Variants in EDNRA observed in about 807,000 individuals in gnomAD.
The protein encoded by EDNRA is endothelin-1 receptor.
In EDNRA, 11 loss-of-function variants were observed where a neutral mutation model predicts 41.4. That is an observed-to-expected ratio of 0.27 (90% CI 0.17 to 0.44). The LOEUF (loss-of-function observed/expected upper bound fraction) is 0.44. Among genes scored for constraint, EDNRA ranks in the 20% least tolerant of loss-of-function variants. EDNRA has a pLI of 1.00. For missense variants in EDNRA, 294 were observed against 531.0 expected (o/e 0.55, Z 4.39); for synonymous variants, 172 against 183.0 (o/e 0.94, Z 0.49).
chr4:147,490,132 C>T (rs1729086276), intron 2 of EDNRA: 1 of 144,696 alleles, frequency 6.9e-6, no homozygotes, highest in Non-Finnish European at 1.5e-5. Flanking sequence ...TCCTATAGCC[C>T]TTGCTTACAT....
At chr4:147,511,694 C>A (rs550282411) in intron 2 of EDNRA, among the ~76,000 whole-genome samples, 1 of 152,256 alleles carries the variant, frequency 6.6e-6, no homozygotes, top group African/African-American at 2.4e-5. Context: ...GGGATCTCTG[C>A]TATTCTGTTT....
chr4:147,504,578 T>G (rs1729623051), intron 2 of EDNRA, among the ~76,000 whole-genome samples: 1 of 152,122 alleles, frequency 6.6e-6, no homozygotes, highest in Admixed American at 6.5e-5. Flanking sequence ...GGGAAACTCA[T>G]GAAACATGAT....
chr4:147,509,397 T>C (rs558779278), intron 2 of EDNRA, among the ~76,000 whole-genome samples: 1 of 152,360 alleles, frequency 6.6e-6, no homozygotes, highest in African/African-American at 2.4e-5. Flanking sequence ...TGAGTGTTAT[T>C]TTGATTTTGC....
chr4:147,489,184 A>G (rs1197728815), intron 2 of EDNRA: 1 of 152,192 alleles, frequency 6.6e-6, no homozygotes, highest in Non-Finnish European at 1.5e-5. Flanking sequence ...GTATAAATTT[A>G]TGGGGTGCAA....
intron 2 of EDNRA, among the ~76,000 whole-genome samples, chr4:147,501,340 C>T (rs1352810995): frequency 6.6e-6 from 1 of 152,196 alleles, no homozygotes; most frequent in Non-Finnish European, 1.5e-5. Flanking sequence ...GCAGTTCCCA[C>T]ACTAGTAGGA....
chr4:147,537,107 T>C (rs990054759), intron 5 of EDNRA, among the ~76,000 whole-genome samples: 25 of 152,222 alleles, frequency 1.6e-4, no homozygotes, highest in African/African-American at 5.5e-4. Context: ...GAGTTGTTGA[T>C]GGAGTCTGTA....
intron 2 of EDNRA, among the ~76,000 whole-genome samples, chr4:147,498,543 G>A (rs976536094): frequency 7.7e-6 from 1 of 130,630 alleles, no homozygotes; most frequent in East Asian, 2.0e-4. Context: ...TATTGCTTAC[G>A]TATTTTCTAT....
At chr4:147,489,396 CTATT>C (rs1349129962) in intron 2 of EDNRA, 1 of 152,090 alleles carries the variant, frequency 6.6e-6, no homozygotes, top group African/African-American at 2.4e-5. Flanking sequence ...TGGAAGTAGA[CTATT>C]TAAAGATTGT....
At chr4:147,498,448 G>A (rs1450495857) in intron 2 of EDNRA, among the ~76,000 whole-genome samples, 1 of 152,084 alleles carries the variant, frequency 6.6e-6, no homozygotes, top group Non-Finnish European at 1.5e-5. Flanking sequence ...CGCTCACCCA[G>A]GGCCCAGCAA....
intron 2 of EDNRA, among the ~76,000 whole-genome samples, chr4:147,503,017 T>C (rs1352085167): frequency 2.0e-5 from 3 of 152,186 alleles, no homozygotes; most frequent in Non-Finnish European, 4.4e-5. Context: ...ACAATGGCTT[T>C]CCAGTAAATA....
intron 3 of EDNRA, among the ~76,000 whole-genome samples, chr4:147,526,942 C>A (rs1051519874): frequency 6.6e-6 from 1 of 152,174 alleles, no homozygotes; most frequent in Non-Finnish European, 1.5e-5. Flanking sequence ...AGAGTAAGAC[C>A]CTATCTCTAA....
chr4:147,538,120 C>T (rs1485895389), intron 5 of EDNRA, among the ~76,000 whole-genome samples: 3 of 152,114 alleles, frequency 2.0e-5, no homozygotes, highest in African/African-American at 4.8e-5. Flanking sequence ...GCAAAAAGTT[C>T]AGACATCAAG....
chr4:147,489,016 G>A (rs1166796637), intron 2 of EDNRA: 2 of 152,202 alleles, frequency 1.3e-5, no homozygotes, highest in African/African-American at 4.8e-5. Flanking sequence ...CAGTTAAAGG[G>A]ATGTGTGAGC....
intron 1 of EDNRA, among the ~76,000 whole-genome samples, chr4:147,481,920 C>T (rs561769494): frequency 1.4e-4 from 21 of 152,270 alleles, no homozygotes; most frequent in Admixed American, 3.3e-4. Flanking sequence ...GAGGTCTGGG[C>T]GTTTTGTTCT....
Position 147,532,622 on chromosome 4 carries a change from T to C in EDNRA, c.665T>C (p.Ile222Thr), listed in dbSNP as rs201704208. The change falls in exon 4 of 8, where the codon ATT becomes ACT. Residue 222 changes from isoleucine to threonine, a missense_variant. Physicochemically the swap from Ile to Thr is moderately conservative, Grantham distance 89 (BLOSUM62 -1). Transcript: ENST00000651419. ...LSFILAIPEA[I>T]GFVMVPFEYR... ...TTTATCCTGGCCATTCCTGAAGCGA[T>C]TGGCTTCGTCATGGTACCCTTTGAA... 6.2e-7 allele frequency: 1 copy of C among 1,614,128 alleles called. No homozygotes were observed. The highest frequency in any genetic ancestry group is 8.5e-7 in the Non-Finnish European group (1 of 1,180,000).
chr4:147,483,293 A>G (rs184509427), intron 1 of EDNRA, among the ~76,000 whole-genome samples: 274 of 152,282 alleles, frequency 1.8e-3, no homozygotes, highest in Non-Finnish European at 3.2e-3. Context: ...AATCAGAGTG[A>G]GTCAAGTCCT....
intron 3 of EDNRA, among the ~76,000 whole-genome samples, chr4:147,524,401 C>T (rs899317742): frequency 2.6e-5 from 4 of 151,774 alleles, no homozygotes; most frequent in Non-Finnish European, 4.4e-5. Context: ...CTCTCTTCAT[C>T]TCATGCATGA....
chr4:147,531,807 C>G (rs573204052), intron 3 of EDNRA: 2 of 152,506 alleles, frequency 1.3e-5, no homozygotes, highest in South Asian at 4.1e-4. Flanking sequence ...GAGATCGAGA[C>G]CATCCTGGCT....
intron 2 of EDNRA, among the ~76,000 whole-genome samples, chr4:147,500,812 A>T (rs1372215500): frequency 6.6e-6 from 1 of 151,996 alleles, no homozygotes; most frequent in Non-Finnish European, 1.5e-5. Flanking sequence ...TCATTCTGCC[A>T]GCACCCAGGT....
Sources: allele counts gnomAD v4.1 joint callset (sites outside exome capture counted in the v4.1 genomes callset), GRCh38; gene constraint gnomAD v4.1.1; transcripts MANE v1.5; gene names NCBI Gene and HGNC (gene_info 2026-07-23, HGNC 2026-07-21).